The following OSBP2 variants were observed in gnomAD, a reference collection of about 807,000 sequenced individuals.
The protein encoded by OSBP2 is oxysterol binding protein 2.
OSBP2 carries 66 observed loss-of-function variants against 96.0 expected under a neutral mutation model. That is an observed-to-expected ratio of 0.69 (90% CI 0.56 to 0.84). The LOEUF is 0.84. Among genes scored for constraint, OSBP2 ranks in the 40% least tolerant of loss-of-function variants. The pLI, the probability that OSBP2 is intolerant of heterozygous loss-of-function variation, is 0.00. For synonymous variants in OSBP2, 525 were observed against 520.9 expected (o/e 1.01, Z -0.11); for missense variants, 1,038 against 1,222.7 (o/e 0.85, Z 2.25).
chr22:30,722,613 C>G (rs1241242430), intron 1 of OSBP2, among the ~76,000 whole-genome samples: 1 of 151,852 alleles, frequency 6.6e-6, no homozygotes, highest in Non-Finnish European at 1.5e-5. Flanking sequence ...ATCTTTCTTT[C>G]TTTTCTCTTT....
At chr22:30,795,100 T>C in intron 2 of OSBP2, among the ~76,000 whole-genome samples, 1 of 151,568 alleles carries the variant, frequency 6.6e-6, no homozygotes, top group East Asian at 2.0e-4. Context: ...TTTGTAGAGA[T>C]GGGATCTCAT....
intron 2 of OSBP2, among the ~76,000 whole-genome samples, chr22:30,782,975 T>G (rs1441973749): frequency 2.0e-5 from 3 of 152,052 alleles, no homozygotes; most frequent in Admixed American, 6.6e-5. Context: ...GAGCAATACT[T>G]ATTTTGCCTT....
chr22:30,809,473 A>G (rs547779721), intron 2 of OSBP2, among the ~76,000 whole-genome samples: 1 of 152,290 alleles, frequency 6.6e-6, no homozygotes, highest in African/African-American at 2.4e-5. Flanking sequence ...CTCATACCCC[A>G]TGTTCAGAGA....
chr22:30,693,855 C>CT, upstream of OSBP2: 1 of 526,748 alleles, frequency 1.9e-6, no homozygotes, highest in South Asian at 2.1e-5. Context: ...ATTCCAGCTA[C>CT]TAGGGAGGCC....
At chr22:30,803,081 G>A (rs1324405770) in intron 2 of OSBP2, 6 of 209,960 alleles carry the variant, frequency 2.9e-5, no homozygotes, top group Non-Finnish European at 5.6e-5. Context: ...GCGCGGCGGC[G>A]GGAAGGCGGC....
At chr22:30,698,443 C>CTTT (rs1186569854) in intron 1 of OSBP2, among the ~76,000 whole-genome samples, 2 of 143,170 alleles carry the variant, frequency 1.4e-5, no homozygotes. Flanking sequence ...TTTTCTTTTT[C>CTTT]TTTTTTTTTT....
intron 2 of OSBP2, among the ~76,000 whole-genome samples, chr22:30,823,284 A>C (rs989302487): frequency 6.6e-5 from 10 of 152,142 alleles, no homozygotes; most frequent in South Asian, 6.2e-4. Context: ...GTGGGGGAAA[A>C]CCTTAGCTGT....
At chr22:30,703,664 C>T (rs1051036334) in intron 1 of OSBP2, among the ~76,000 whole-genome samples, 6 of 151,186 alleles carry the variant, frequency 4.0e-5, no homozygotes, top group East Asian at 2.0e-4. Flanking sequence ...TTAGTAGAGA[C>T]GGAGTTTCAC....
At chr22:30,764,417 T>C in intron 2 of OSBP2, 1 of 984,390 alleles carries the variant, frequency 1.0e-6, no homozygotes, top group Non-Finnish European at 1.2e-6. Context: ...AATTTCCTCC[T>C]GTTCCTGTTG....
intron 12 of OSBP2, among the ~76,000 whole-genome samples, chr22:30,904,118 TG>T (rs2040277542): frequency 6.6e-6 from 1 of 152,084 alleles, no homozygotes; most frequent in Non-Finnish European, 1.5e-5. Flanking sequence ...GGGGAGCAGT[TG>T]GGGGGTGGCT....
chr22:30,782,411 C>T (rs868511654), intron 2 of OSBP2, among the ~76,000 whole-genome samples: 3 of 152,212 alleles, frequency 2.0e-5, no homozygotes, highest in South Asian at 2.1e-4. Context: ...AGGCTGGTCT[C>T]GAATTCCTGA....
intron 2 of OSBP2, among the ~76,000 whole-genome samples, chr22:30,768,017 T>C (rs2090298159): frequency 6.6e-6 from 1 of 152,174 alleles, no homozygotes; most frequent in Admixed American, 6.5e-5. Flanking sequence ...AATTTGGATT[T>C]AGATGTGACC....
chr22:30,694,085 G>T (rs1443460537), upstream of OSBP2: 6 of 979,512 alleles, frequency 6.1e-6, no homozygotes, highest in Non-Finnish European at 9.0e-6. Context: ...AAACCTCTGC[G>T]GAAGCCTCAC....
intron 2 of OSBP2, among the ~76,000 whole-genome samples, chr22:30,789,892 T>C (rs2090647861): frequency 6.6e-6 from 1 of 152,130 alleles, no homozygotes; most frequent in Non-Finnish European, 1.5e-5. Context: ...CCATTTTAGA[T>C]CACAGTTTAA....
At chr22:30,856,677 A>G (rs1351664647) in intron 2 of OSBP2, among the ~76,000 whole-genome samples, 1 of 151,960 alleles carries the variant, frequency 6.6e-6, no homozygotes, top group African/African-American at 2.4e-5. Context: ...ATGAGCCACC[A>G]TGCCCAGCCA....
At chr22:30,707,243 C>T (rs1255090523) in intron 1 of OSBP2, among the ~76,000 whole-genome samples, 1 of 152,052 alleles carries the variant, frequency 6.6e-6, no homozygotes, top group African/African-American at 2.4e-5. Context: ...ATTACAGGCT[C>T]TCGCTGCCAC....
intron 2 of OSBP2, among the ~76,000 whole-genome samples, chr22:30,772,522 G>A (rs1356096125): frequency 1.3e-5 from 2 of 152,156 alleles, no homozygotes; most frequent in African/African-American, 4.8e-5. Flanking sequence ...GAGATGTTTT[G>A]TGAGCTCAGC....
chr22:30,820,483 TG>T (rs144100715), intron 2 of OSBP2, among the ~76,000 whole-genome samples: 7,178 of 152,166 alleles, frequency 0.047, 570 homozygotes, highest in African/African-American at 0.17. Flanking sequence ...ATGAGGCCTC[TG>T]GGAGCCCAGG....
intron 3 of OSBP2, among the ~76,000 whole-genome samples, chr22:30,877,781 G>A (rs565126887): frequency 7.2e-5 from 11 of 152,186 alleles, no homozygotes; most frequent in East Asian, 3.8e-4. Flanking sequence ...CACCTGACTC[G>A]ACCCCCATTC....
Sources: gnomAD v4.1 joint callset for allele counts (sites outside exome capture counted in the v4.1 genomes callset) on GRCh38, gnomAD v4.1.1 for gene constraint, MANE v1.5 for transcripts, NCBI Gene and HGNC (gene_info 2026-07-23, HGNC 2026-07-21) for gene names.